The following DPH6 variants were observed in gnomAD, a reference collection of about 807,000 sequenced individuals.
DPH6 encodes the protein diphthamine biosynthesis 6.
In DPH6, 33 loss-of-function variants were observed where a neutral mutation model predicts 38.2. The observed-to-expected ratio is 0.86, with a 90% CI of 0.65 to 1.15. The LOEUF is 1.15. Among genes scored for constraint, DPH6 ranks in the 50% most tolerant of loss-of-function variants. The pLI, the probability that DPH6 is intolerant of heterozygous loss-of-function variation, is 0.00. For synonymous variants in DPH6, 108 were observed against 103.0 expected, an observed-to-expected ratio of 1.05 and a Z score of -0.30; for missense variants, 325 against 320.0, an observed-to-expected ratio of 1.02 and a Z score of -0.12.
rs538869645 is a variant in DPH6 at position 35,521,024 on chromosome 15, G to A, written c.312+17250C>T. 7.1e-6 allele frequency: 7 copies of A among 985,218 alleles called. No individual in the cohort carries two copies. The East Asian group carries it at 8.0e-4, about 112-fold the overall frequency. 61.0% of individuals were successfully genotyped at this position (985,218 alleles called of 1,614,324 possible). ...ACCTACTCATAAATCAAAAGGAGGG[G>A]AAGGGGCTTTAGATGGTATGTAGAT... is the stretch of plus-strand genomic sequence containing the variant. On this transcript the variant is annotated intron_variant, in intron 3 of 8. Transcript: ENST00000256538.
chr15:35,268,767 A>G (rs1168276245), intron 3 of DPH6, among the ~76,000 whole-genome samples: 1 of 152,022 alleles, frequency 6.6e-6, no homozygotes, highest in Non-Finnish European at 1.5e-5. Context: ...AAAGGTATAA[A>G]AAGAACAAAG....
chr15:35,368,087 A>T (rs1281124213), downstream of DPH6, among the ~76,000 whole-genome samples: 7 of 151,976 alleles, frequency 4.6e-5, no homozygotes. Flanking sequence ...AAACAACTAA[A>T]CATAAAGCAG....
intron 3 of DPH6, among the ~76,000 whole-genome samples, chr15:35,225,391 GAAGTCACT>G (rs2051473629): frequency 6.6e-6 from 1 of 152,146 alleles, no homozygotes; most frequent in Admixed American, 6.5e-5. Context: ...TATTTGTAAG[GAAGTCACT>G]AAGTCCAATC....
chr15:35,406,568 G>C (rs1221497772), intron 6 of DPH6, among the ~76,000 whole-genome samples: 1 of 151,870 alleles, frequency 6.6e-6, no homozygotes, highest in Non-Finnish European at 1.5e-5. Context: ...GTGACTGTGA[G>C]GATAAAAAGG....
chr15:35,222,401 T>G (rs916210371), intron 3 of DPH6, among the ~76,000 whole-genome samples: 1 of 152,194 alleles, frequency 6.6e-6, no homozygotes, highest in Non-Finnish European at 1.5e-5. Flanking sequence ...CACAGTCTCA[T>G]GAGGTCCTGA....
intron 5 of DPH6, among the ~76,000 whole-genome samples, chr15:35,425,421 G>A (rs939037504): frequency 6.6e-6 from 1 of 151,368 alleles, no homozygotes; most frequent in East Asian, 1.9e-4. Context: ...TTACTACAGA[G>A]GGTTAACTTT....
chr15:35,451,439 G>T (rs1395997456), intron 4 of DPH6, among the ~76,000 whole-genome samples: 2 of 152,090 alleles, frequency 1.3e-5, no homozygotes, highest in Non-Finnish European at 2.9e-5. Flanking sequence ...AAGTCCTTGT[G>T]CTTAGTTTCC....
At chr15:35,194,439 A>G in the DPH6 span, among the ~76,000 whole-genome samples, 561 of 151,600 alleles carry the variant, frequency 3.7e-3, 30 homozygotes, top group East Asian at 0.1. Context: ...TTAGAAGTAA[A>G]AGCCCAGAAG....
chr15:35,254,949 C>G (rs565076535), intron 3 of DPH6, among the ~76,000 whole-genome samples: 167 of 152,074 alleles, frequency 1.1e-3, no homozygotes, highest in Non-Finnish European at 1.7e-3. Context: ...GTACATTGAT[C>G]AGTTAGGGTG....
chr15:35,281,007 GGTTA>G (rs2051895381), intron 3 of DPH6, among the ~76,000 whole-genome samples: 1 of 152,046 alleles, frequency 6.6e-6, no homozygotes, highest in African/African-American at 2.4e-5. Context: ...ACAATGTGCA[GGTTA>G]GTTACATATG....
intron 3 of DPH6, among the ~76,000 whole-genome samples, chr15:35,253,466 T>C (rs1239804086): frequency 6.6e-6 from 1 of 152,214 alleles, no homozygotes; most frequent in East Asian, 1.9e-4. Context: ...ATTTAATGTC[T>C]CATCAACTTC....
chr15:35,483,495 A>G (rs1050122335), intron 3 of DPH6, among the ~76,000 whole-genome samples: 1 of 151,916 alleles, frequency 6.6e-6, no homozygotes, highest in Non-Finnish European at 1.5e-5. Flanking sequence ...AACCAAAAAA[A>G]CCATAATGAG....
chr15:35,345,112 C>T (rs1001064686), intron 3 of DPH6, among the ~76,000 whole-genome samples: 1 of 151,802 alleles, frequency 6.6e-6, no homozygotes, highest in Admixed American at 6.6e-5. Context: ...TGAACTAAGA[C>T]AATAGAAGTT....
chr15:35,257,455 A>G (rs1019455676), intron 3 of DPH6, among the ~76,000 whole-genome samples: 5 of 152,238 alleles, frequency 3.3e-5, no homozygotes, highest in African/African-American at 1.2e-4. Flanking sequence ...TTGGAGTGAC[A>G]GCAATGCTAA....
chr15:35,207,938 G>C, the DPH6 span, among the ~76,000 whole-genome samples: 1 of 152,076 alleles, frequency 6.6e-6, no homozygotes, highest in Non-Finnish European at 1.5e-5. Flanking sequence ...AGTATAGTTG[G>C]CATGCCTAGA....
rs1038667672 is a variant in DPH6 at position 35,240,986 on chromosome 15, C to T, written n.201-20404G>A. Among the ~76,000 whole-genome samples, 11 of 143,408 alleles carry T rather than the reference C, an allele frequency of 7.7e-5. 2 individuals are homozygous for T. Among genetic ancestry groups the T allele is most frequent in the Admixed American group, 1.5e-4 (2 of 13,358 alleles). The allele number at this position is 143,408 out of a possible 152,430, so 94.1% of individuals were successfully genotyped here. A position where few individuals can be genotyped will look rare whatever the true frequency, so the allele number is the denominator to read the frequency against. ...TCTCCAGCACACAAGAACTTCCAAA[C>T]GCCTGAACCGCAGCGGCCAGGTGTT... is the stretch of plus-strand genomic sequence containing the variant. On this transcript the variant is annotated intron_variant and non_coding_transcript_variant, in intron 3 of 3. Transcript: ENST00000560386.
intron 3 of DPH6, among the ~76,000 whole-genome samples, chr15:35,291,111 T>A (rs1343171425): frequency 6.6e-6 from 1 of 152,094 alleles, no homozygotes; most frequent in Non-Finnish European, 1.5e-5. Context: ...TGACAGTGAT[T>A]TAAAATAAAA....
exon 4 of DPH6, chr15:35,219,556 A>C (rs2051429629): frequency 1.3e-5 from 2 of 152,224 alleles, no homozygotes; most frequent in African/African-American, 4.8e-5. Context: ...ATTTTCACGC[A>C]GCCTAGTGAC....
intron 5 of DPH6, among the ~76,000 whole-genome samples, chr15:35,436,499 C>CAAAAAAAAA (rs367633039): frequency 4.1e-4 from 9 of 21,920 alleles, no homozygotes; most frequent in African/African-American, 7.3e-4. Flanking sequence ...CAAAACAAAA[C>CAAAAAAAAA]AAAACAAAAC....
Sources: gnomAD v4.1 joint callset for allele counts (sites outside exome capture counted in the v4.1 genomes callset) on GRCh38, gnomAD v4.1.1 for gene constraint, MANE v1.5 for transcripts, NCBI Gene and HGNC (gene_info 2026-07-23, HGNC 2026-07-21) for gene names.